FMN1: variants seen among roughly 807,000 people sequenced by gnomAD.
The protein encoded by FMN1 is formin-1.
Under a neutral mutation model 132.4 loss-of-function variants are expected in FMN1, and 110 were observed. The ratio of observed to expected loss-of-function variants is 0.83; its 90% confidence interval spans 0.71 to 0.97. FMN1 has a LOEUF of 0.97. Ranked by LOEUF, FMN1 falls within the 50% of genes least tolerant of loss-of-function variation. The pLI is 0.00. For synonymous variants in FMN1, 722 were observed against 651.7 expected, an observed-to-expected ratio of 1.11 and a Z score of -1.64; for missense variants, 1,792 against 1,705.3, an observed-to-expected ratio of 1.05 and a Z score of -0.90.
At chr15:32,798,011 G>C (rs1270397644) in intron 19 of FMN1, among the ~76,000 whole-genome samples, 1 of 151,994 alleles carries the variant, frequency 6.6e-6, no homozygotes, top group African/African-American at 2.4e-5. Context: ...ACTCTGTTTT[G>C]AATGCCATTC....
At chr15:33,176,125 A>G (rs1396263122) in intron 3 of FMN1, among the ~76,000 whole-genome samples, 1 of 152,140 alleles carries the variant, frequency 6.6e-6, no homozygotes, top group African/African-American at 2.4e-5. Context: ...CTATAATCCC[A>G]GCACTTTGGG....
chr15:33,069,993 C>CTTTTTTTTTT (rs1171369156), intron 5 of FMN1, among the ~76,000 whole-genome samples: 3 of 74,324 alleles, frequency 4.0e-5, no homozygotes, highest in African/African-American at 5.2e-5. Context: ...CAGTCTTTCT[C>CTTTTTTTTTT]TTTTTTTTTT....
chr15:32,838,401 T>C (rs1596050676), intron 17 of FMN1, among the ~76,000 whole-genome samples: 2 of 152,174 alleles, frequency 1.3e-5, no homozygotes, highest in Admixed American at 6.5e-5. Context: ...TCTGTGCATC[T>C]CAAGAGGAGA....
At chr15:32,907,048 G>A (rs937872132) in intron 12 of FMN1, among the ~76,000 whole-genome samples, 3 of 152,278 alleles carry the variant, frequency 2.0e-5, no homozygotes, top group Non-Finnish European at 2.9e-5. Flanking sequence ...GGGGACTGAG[G>A]TATTCTAGAG....
Position 33,153,132 on chromosome 15 carries a change from G to A in FMN1, c.1783C>T (p.Pro595Ser), listed in dbSNP as rs775101134. The A allele has an allele frequency of 6.5e-7, 1 of 1,536,114 alleles. No homozygotes were observed. Among genetic ancestry groups the A allele is most frequent in the South Asian group, 1.2e-5 (1 of 84,056 alleles). The change falls in exon 4 of 21, where the codon CCT becomes TCT. Residue 595 changes from proline to serine, a missense_variant. Pro to Ser is a moderately conservative substitution (Grantham distance 74, BLOSUM62 -1). Around this residue, in one of 3 missense-constraint regions of FMN1, gnomAD observed 1,150 missense variants for 1,043.1 expected, o/e 1.10. Transcript: ENST00000616417. ...ASPAFLRAGQ[P>S]RLVPGETLEK... ...AAAGTTTCCCCAGGCACCAACCGAG[G>A]TTGGCCTGCTCTGAGGAAGGCCGGG...
intron 6 of FMN1, among the ~76,000 whole-genome samples, chr15:33,046,312 T>C (rs1427093973): frequency 6.6e-6 from 1 of 152,138 alleles, no homozygotes. Flanking sequence ...TGCAATGTTC[T>C]GAATGAACAA....
rs1236521696 is a variant in FMN1, at chr15:32,770,752, C to A, written c.*3558G>T. 6.6e-6 allele frequency: 1 copy of A among 152,176 alleles called. No homozygotes were observed. The highest frequency in any genetic ancestry group is 1.5e-5 in the Non-Finnish European group (1 of 68,042). 9.4% of individuals were successfully genotyped at this position (152,176 alleles called of 1,614,324 possible). A position where few individuals can be genotyped will look rare whatever the true frequency, so the allele number is the denominator to read the frequency against. On this transcript the variant is annotated 3_prime_UTR_variant, in exon 21 of 21. Transcript: ENST00000616417. ...TCTGATATTCAATTCCTCAACCATACTGGCAATTTGTTTTGGCTAGAACAT... is the reference window on the plus strand; with the variant it reads ...TCTGATATTCAATTCCTCAACCATAATGGCAATTTGTTTTGGCTAGAACAT...
intron 6 of FMN1, among the ~76,000 whole-genome samples, chr15:33,040,597 G>A (rs2036387416): frequency 6.6e-6 from 1 of 152,316 alleles, no homozygotes; most frequent in Middle Eastern, 3.4e-3. Flanking sequence ...CTAAATAAGA[G>A]TTAGATATGA....
At chr15:32,850,965 G>A (rs534803704) in intron 17 of FMN1, among the ~76,000 whole-genome samples, 10 of 152,148 alleles carry the variant, frequency 6.6e-5, no homozygotes, top group Non-Finnish European at 1.0e-4. Context: ...GGCTGAGGCA[G>A]GAGAATGGCG....
intron 4 of FMN1, among the ~76,000 whole-genome samples, chr15:33,131,106 G>T (rs1480567837): frequency 6.6e-6 from 1 of 152,090 alleles, no homozygotes; most frequent in Non-Finnish European, 1.5e-5. Flanking sequence ...GAGGCAGGTG[G>T]ATCACCTGAG....
chr15:33,025,599 T>G (rs1261352447), intron 6 of FMN1, among the ~76,000 whole-genome samples: 1 of 152,328 alleles, frequency 6.6e-6, no homozygotes, highest in East Asian at 1.9e-4. Context: ...CAGCAATTTG[T>G]GAAACCCAAC....
At chr15:32,803,820 T>C (rs2057565083) in intron 18 of FMN1, among the ~76,000 whole-genome samples, 1 of 152,184 alleles carries the variant, frequency 6.6e-6, no homozygotes, top group African/African-American at 2.4e-5. Context: ...CAGAATAGTG[T>C]CATGACACGC....
intron 6 of FMN1, among the ~76,000 whole-genome samples, chr15:33,010,421 T>C (rs2034649648): frequency 6.6e-6 from 1 of 152,150 alleles, no homozygotes; most frequent in African/African-American, 2.4e-5. Flanking sequence ...CATGAATCCA[T>C]ACACATTAAG....
intron 17 of FMN1, among the ~76,000 whole-genome samples, chr15:32,840,937 G>C (rs1016316654): frequency 6.6e-6 from 1 of 152,208 alleles, no homozygotes; most frequent in Non-Finnish European, 1.5e-5. Flanking sequence ...ATAGACACAG[G>C]AGTGTCACAC....
At chr15:32,901,150 G>A (rs576910371) in intron 13 of FMN1, among the ~76,000 whole-genome samples, 154 of 151,042 alleles carry the variant, frequency 1.0e-3, no homozygotes, top group Non-Finnish European at 1.5e-3. Context: ...ATGAGACTCC[G>A]TCTCAAAAAA....
At chr15:33,080,896 A>G (rs2038428725) in intron 5 of FMN1, among the ~76,000 whole-genome samples, 1 of 152,050 alleles carries the variant, frequency 6.6e-6, no homozygotes, top group Non-Finnish European at 1.5e-5. Flanking sequence ...TCAAAAAAAA[A>G]AAAAAATTCC....
intron 3 of FMN1, among the ~76,000 whole-genome samples, chr15:33,162,337 G>A (rs1964928975): frequency 6.6e-6 from 1 of 151,688 alleles, no homozygotes; most frequent in African/African-American, 2.4e-5. Flanking sequence ...CCACACTGTA[G>A]GAGTAAGAAC....
Position 32,969,284 on chromosome 15 carries a change from T to A in FMN1, c.2417A>T (p.Gln806Leu), listed in dbSNP as rs746381755. 6.2e-7 allele frequency: 1 copy of A among 1,613,996 alleles called. No homozygotes were observed. Among genetic ancestry groups the A allele is most frequent in the South Asian group, 1.1e-5 (1 of 91,084 alleles). ...PPKTFRNVCV[Q>L]TDRETFLKPC... The stretch of plus-strand genomic sequence containing the variant: ...CTTGAGGAAGGTCTCTCTGTCTGTC[T>A]GGACGCACACATTTCTGAAGGTCTT... The change falls in exon 8 of 21, where the codon CAG becomes CTG. Residue 806 changes from glutamine (Q) to leucine (L), a missense_variant. Transcript: ENST00000616417.
chr15:33,125,857 A>T (rs767319397), intron 4 of FMN1, among the ~76,000 whole-genome samples: 35 of 152,186 alleles, frequency 2.3e-4, no homozygotes, highest in African/African-American at 7.7e-4. Context: ...CTAAATCTCT[A>T]AATGTTTAAC....
Sources: allele counts gnomAD v4.1 joint callset (sites outside exome capture counted in the v4.1 genomes callset), GRCh38; gene constraint gnomAD v4.1.1; regional missense constraint gnomAD v4.1.1; transcripts MANE v1.5; gene names NCBI Gene and HGNC (gene_info 2026-07-23, HGNC 2026-07-21).